The following PAFAH1B1 variants were observed in gnomAD, a reference collection of about 807,000 sequenced individuals.
The protein encoded by PAFAH1B1 is platelet activating factor acetylhydrolase 1b regulatory subunit 1.
A neutral mutation model predicts 57.5 loss-of-function variants in PAFAH1B1; 2 were observed. The observed-to-expected ratio is 0.03, with a 90% confidence interval of 0.01 to 0.11. The LOEUF (loss-of-function observed/expected upper bound fraction) is 0.11. PAFAH1B1 is among the 10% of genes least tolerant of loss of function. The pLI is 1.00. For missense variants in PAFAH1B1, 257 were observed against 512.0 expected (o/e 0.50, Z 4.81); for synonymous variants, 152 against 169.6 (o/e 0.90, Z 0.81).
At chr17:2,613,624 C>A in intron 1 of PAFAH1B1, 1 of 292,662 alleles carries the variant, frequency 3.4e-6, no homozygotes, top group East Asian at 7.4e-5. Context: ...CTTCGATCCC[C>A]TGCTCCCTGA....
In PAFAH1B1 at chr17:2,596,824, C is replaced by T. The variant is rs529759264; in HGVS notation, c.-191+2818C>T. ...CTGTAATCTCAGCACTTTGGGAGGC[C>T]GAGGCAGGTGGATCACCTGAGGTCA... On this transcript the variant is annotated intron_variant, in intron 1 of 10. Coordinates refer to ENST00000397195, the MANE Select transcript of PAFAH1B1 (RefSeq NM_000430.4). 1.3e-4 allele frequency among the ~76,000 whole-genome samples: 20 copies of T among 152,042 alleles called. No homozygotes were observed. The Middle Eastern group carries it at 0.01, about 78-fold the overall frequency.
chr17:2,648,621 T>G (rs1012716241), intron 2 of PAFAH1B1, among the ~76,000 whole-genome samples: 2 of 149,774 alleles, frequency 1.3e-5, no homozygotes, highest in African/African-American at 2.5e-5. Flanking sequence ...GAGGTTGCAG[T>G]GACCTGAGAT....
intron 1 of PAFAH1B1, among the ~76,000 whole-genome samples, chr17:2,629,732 T>C (rs1010152927): frequency 3.3e-5 from 5 of 152,222 alleles, no homozygotes; most frequent in African/African-American, 1.2e-4. Flanking sequence ...TTCTTAGGTC[T>C]ATTAGTAATT....
At chr17:2,646,811 T>A (rs1597549535) in intron 2 of PAFAH1B1, among the ~76,000 whole-genome samples, 1 of 152,324 alleles carries the variant, frequency 6.6e-6, no homozygotes, top group African/African-American at 2.4e-5. Flanking sequence ...AGGCAGTTTT[T>A]AAGCCTAGAT....
intron 2 of PAFAH1B1, among the ~76,000 whole-genome samples, chr17:2,656,866 A>G (rs971351019): frequency 2.1e-5 from 2 of 96,632 alleles, no homozygotes; most frequent in Non-Finnish European, 5.1e-5. Flanking sequence ...TGAATGTCCT[A>G]CATAGTCTGT....
intron 3 of PAFAH1B1, among the ~76,000 whole-genome samples, 199 bp downstream of exon 3, chr17:2,665,655 G>A (rs1408002099): frequency 6.6e-6 from 1 of 151,938 alleles, no homozygotes; most frequent in Non-Finnish European, 1.5e-5. Context: ...AGGCTGGAGT[G>A]CAGTGGCGTG....
intron 8 of PAFAH1B1, among the ~76,000 whole-genome samples, chr17:2,675,649 T>A (rs1005972885): frequency 6.6e-6 from 1 of 151,004 alleles, no homozygotes; most frequent in Non-Finnish European, 1.5e-5. Flanking sequence ...TTTTTTTTTT[T>A]AAACTCACCA....
chr17:2,672,496 G>C (rs187655352), intron 6 of PAFAH1B1, among the ~76,000 whole-genome samples, 159 bp from the exon 7 acceptor site: 4 of 151,546 alleles, frequency 2.6e-5, no homozygotes, highest in Non-Finnish European at 4.4e-5. Context: ...TAACTTTATC[G>C]TGTAAATCCA....
intron 2 of PAFAH1B1, among the ~76,000 whole-genome samples, chr17:2,664,701 TC>T (rs2069079965): frequency 6.7e-6 from 1 of 149,258 alleles, no homozygotes; most frequent in Non-Finnish European, 1.5e-5. Context: ...TCTTTCTCTC[TC>T]CATCTATAAA....
chr17:2,664,665 G>GCGCGCGCTCTCTCTCTCTCTCT, intron 2 of PAFAH1B1, among the ~76,000 whole-genome samples: 3 of 86,028 alleles, frequency 3.5e-5, no homozygotes, highest in Non-Finnish European at 5.3e-5. Flanking sequence ...TCTATCTATC[G>GCGCGCGCTCTCTCTCTCTCTCT]CTCTCTCTCT....
At chr17:2,593,528 G>A (rs1423273780), upstream of PAFAH1B1, among the ~76,000 whole-genome samples, 1 of 150,862 alleles carries the variant, frequency 6.6e-6, no homozygotes, top group Non-Finnish European at 1.5e-5. Context: ...CCAGCCCGGC[G>A]CATGCGCCGC....
chr17:2,660,413 C>T (rs1218081385), intron 2 of PAFAH1B1, among the ~76,000 whole-genome samples: 3 of 152,088 alleles, frequency 2.0e-5, no homozygotes, highest in Non-Finnish European at 4.4e-5. Flanking sequence ...CCCCCACCCC[C>T]ACCAACAGGC....
chr17:2,616,893 C>T (rs1328172243), intron 1 of PAFAH1B1, among the ~76,000 whole-genome samples: 1 of 151,146 alleles, frequency 6.6e-6, no homozygotes, highest in Non-Finnish European at 1.5e-5. Context: ...GAAACCCCGT[C>T]TCTACTAAAA....
intron 9 of PAFAH1B1, among the ~76,000 whole-genome samples, chr17:2,679,481 G>C (rs558062767): frequency 0.057 from 356 of 6,268 alleles, 2 homozygotes; most frequent in African/African-American, 0.13. Flanking sequence ...TGGATGATTG[G>C]ATGGATGGAT....
At chr17:2,646,035 TAC>T (rs1175170367) in intron 2 of PAFAH1B1, among the ~76,000 whole-genome samples, 13 of 152,038 alleles carry the variant, frequency 8.6e-5, no homozygotes, top group African/African-American at 2.7e-4. Context: ...CTACAGAAAA[TAC>T]AGTCTTCAAT....
intron 1 of PAFAH1B1, among the ~76,000 whole-genome samples, chr17:2,613,099 G>A (rs1295927396): frequency 1.4e-5 from 2 of 143,436 alleles, no homozygotes; most frequent in African/African-American, 5.1e-5. Context: ...AGTTTTGTTG[G>A]AACAAAACCA....
intron 1 of PAFAH1B1, among the ~76,000 whole-genome samples, chr17:2,596,014 T>C (rs2068080806): frequency 2.0e-5 from 3 of 152,234 alleles, no homozygotes; most frequent in South Asian, 4.1e-4. Flanking sequence ...TGTAAGGTTA[T>C]TTGATATGAA....
rs147169470 is a variant in PAFAH1B1, at chr17:2,652,651, G to A, written c.33-12721G>A. Among the ~76,000 whole-genome samples the A allele has an allele frequency of 2.5e-3, 376 of 152,286 alleles. 1 individual carries two copies. Among genetic ancestry groups the A allele is most frequent in the Middle Eastern group, 0.014 (4 of 294 alleles). On this transcript the variant is annotated intron_variant, in intron 2 of 10. Transcript: ENST00000397195. The stretch of plus-strand genomic sequence containing the variant: ...ATACACTGAAGGTCTGCACCTGCCC[G>A]CGCACTTCACGTTGTACATGGGAAT...
chr17:2,601,046 A>G (rs1338613425), intron 1 of PAFAH1B1, among the ~76,000 whole-genome samples: 1 of 152,074 alleles, frequency 6.6e-6, no homozygotes, highest in African/African-American at 2.4e-5. Flanking sequence ...TTAACTTTTT[A>G]TGGGTGAGGA....
Sources: allele counts gnomAD v4.1 joint callset (sites outside exome capture counted in the v4.1 genomes callset), GRCh38; gene constraint gnomAD v4.1.1; transcripts MANE v1.5; gene names NCBI Gene and HGNC (gene_info 2026-07-23, HGNC 2026-07-21).